The following SMIM24 variants were observed in gnomAD, a reference collection of about 807,000 sequenced individuals.
SMIM24 encodes the protein small integral membrane protein 24, also known as MAP17-related dimer.
Under a neutral mutation model 10.8 loss-of-function variants are expected in SMIM24, and 6 were observed. The ratio of observed to expected loss-of-function variants is 0.55; its 90% confidence interval spans 0.30 to 1.09. The LOEUF is 1.09. SMIM24 is among the 50% of genes least tolerant of loss of function. The pLI is 0.06. For synonymous variants in SMIM24, 71 were observed against 62.4 expected (o/e 1.14, Z -0.65); for missense variants, 151 against 153.4 (o/e 0.98, Z 0.08).
intron 1 of SMIM24, 94 bp downstream of exon 1, chr19:3,480,303 C>A: frequency 8.1e-7 from 1 of 1,239,630 alleles, no homozygotes; most frequent in Non-Finnish European, 1.1e-6. Context: ...TTCCTGCCCC[C>A]TCTCCTTTTT....
At position 3,474,928 on chromosome 19, in the gene SMIM24, G is replaced by T; in HGVS notation, c.308C>A (p.Ala103Glu). 6.4e-7 allele frequency: 1 copy of T among 1,551,624 alleles called. No individual in the cohort carries two copies. The highest frequency in any genetic ancestry group is 1.2e-5 in the South Asian group (1 of 84,058). The change falls in exon 4 of 4, where the codon GCA becomes GAA. Residue 103 changes from alanine (A) to glutamate (E), a missense_variant. Ala to Glu is a moderately radical substitution (Grantham distance 107, BLOSUM62 -1). Coordinates refer to ENST00000215531, the MANE Select transcript of SMIM24 (RefSeq NM_001136503.2). ...TCCCAAGTTGCTCTCTCCTTCCTTTGCTGTCTTTTTCTCCTTCTTCCTCTT... is the reference window on the plus strand; with the variant it reads ...TCCCAAGTTGCTCTCTCCTTCCTTTTCTGTCTTTTTCTCCTTCTTCCTCTT... ...EEKRKKEKKT[A>E]KEGESNLGLD...
chr19:3,476,584 C>A (rs747540935), intron 3 of SMIM24, among the ~76,000 whole-genome samples: 2 of 151,988 alleles, frequency 1.3e-5, no homozygotes, highest in Non-Finnish European at 2.9e-5. Context: ...TTTACTGGGG[C>A]TGAGCCAGGT....
chr19:3,474,486 A>C lies in SMIM24; in HGVS notation c.*357T>G. 2 of 233,090 alleles carry C rather than the reference A, an allele frequency of 8.6e-6. No individual in the cohort carries two copies. The highest frequency in any genetic ancestry group is 2.2e-5 in the African/African-American group (1 of 44,694). 14.4% of individuals were successfully genotyped at this position (233,090 alleles called of 1,614,324 possible). On this transcript the variant is annotated 3_prime_UTR_variant, in exon 4 of 4. Coordinates refer to ENST00000215531, the MANE Select transcript of SMIM24 (RefSeq NM_001136503.2). ...GGCAGTGGGTGCATGGGAGAGGGGA[A>C]GTTCTGTTCAGTAGACATCAGGCAG...
rs1296584818 is a variant in SMIM24 at position 3,474,878 on chromosome 19, C to T, written c.358G>A (p.Gly120Arg). ...GTGCTCTTTGCTCTCTCATGGTCTC[C>T]GGGCTCTTTTTCCTCCAGATCCAGT... ...LGLDLEEKEP[G>R]DHERAKSTVM Residue 120 changes from glycine (G) to arginine (R), a missense_variant, in exon 4 of 4, where the codon GGA becomes AGA. By Grantham distance (125) the Gly-to-Arg change is moderately radical. Transcript: ENST00000215531. The T allele has an allele frequency of 2.0e-5, 31 of 1,551,538 alleles. No individual in the cohort carries two copies. Among genetic ancestry groups the T allele is most frequent in the Admixed American group, 1.2e-4 (6 of 50,970 alleles).
intron 1 of SMIM24, 26 bp downstream of exon 1, chr19:3,480,371 G>T (rs1156386018): frequency 7.3e-7 from 1 of 1,370,120 alleles, no homozygotes; most frequent in East Asian, 3.1e-5. Flanking sequence ...ATCCCGCGAC[G>T]CCCCCTCCCG....
chr19:3,480,365 CG>C, intron 1 of SMIM24, 31 bp downstream of exon 1: 8 of 1,469,148 alleles, frequency 5.4e-6, no homozygotes, highest in Non-Finnish European at 6.4e-6. Flanking sequence ...TCCCCTATCC[CG>C]CGACGCCCCC....
At position 3,478,802 on chromosome 19, in the gene SMIM24, G is replaced by T. The variant is rs758842538; in HGVS notation, c.179+16C>A. On this transcript the variant is annotated intron_variant, in intron 2 of 3. Coordinates refer to ENST00000215531, the MANE Select transcript of SMIM24 (RefSeq NM_001136503.2). ...GGCAGGGCTGTGGGGGCAGCGGGGTGGGGGCGGGCACCCACCTGGCCTTGG... is the reference window on the plus strand; with the variant it reads ...GGCAGGGCTGTGGGGGCAGCGGGGTTGGGGCGGGCACCCACCTGGCCTTGG... 9.8e-4 allele frequency: 1,506 copies of T among 1,535,798 alleles called. No individual in the cohort carries two copies. The highest frequency in any genetic ancestry group is 1.2e-3 in the Non-Finnish European group (1,412 of 1,136,254).
At chr19:3,478,600 CAGGACGCAAGGAAG>C in intron 2 of SMIM24, 122 bp from the exon 3 acceptor site, 1 of 1,043,268 alleles carries the variant, frequency 9.6e-7, no homozygotes, top group Non-Finnish European at 1.4e-6. Flanking sequence ...TCATGAACCC[CAGGACGCAAGGAAG>C]GGCTGGGCTG....
chr19:3,475,650 G>C (rs2082789381), intron 3 of SMIM24, among the ~76,000 whole-genome samples: 1 of 150,102 alleles, frequency 6.7e-6, no homozygotes, highest in Non-Finnish European at 1.5e-5. Flanking sequence ...AGGTGGATAG[G>C]TGATGGATGG....
At position 3,480,443 on chromosome 19, in the gene SMIM24, A is replaced by C; in HGVS notation, c.21T>G (p.Leu7=). 1 of 1,548,576 alleles carries C rather than the reference A, an allele frequency of 6.5e-7. No individual in the cohort carries two copies. Residue 7 remains leucine (L), a synonymous_variant, in exon 1 of 4, where the codon CTT becomes CTG. Coordinates refer to ENST00000215531, the MANE Select transcript of SMIM24 (RefSeq NM_001136503.2). METLGA[L]LVLEFLLLSP... ...AGAGGAGCAGAAACTCCAGCACCAG[A>C]AGGGCCCCCAGGGTCTCCATGACGG...
intron 1 of SMIM24, chr19:3,479,160 A>G (rs1238698256): frequency 5.7e-6 from 2 of 348,594 alleles, no homozygotes; most frequent in South Asian, 6.7e-5. Flanking sequence ...CAGAGAGGGG[A>G]GGGGCTTATA....
intron 3 of SMIM24, 54 bp downstream of exon 3, chr19:3,478,365 C>T (rs2082801946): frequency 1.3e-6 from 2 of 1,487,158 alleles, no homozygotes; most frequent in Non-Finnish European, 1.8e-6. Context: ...CACACCCATT[C>T]CCCCACCCCG....
Position 3,480,459 on chromosome 19 carries a change from T to TC in SMIM24, c.4dup (p.Glu2GlyfsTer61). ...CAGCACCAGAAGGGCCCCCAGGGTC[T>TC]CCATGACGGTCGAGTGAGCCAGCAG... On this transcript the variant is annotated frameshift_variant, in exon 1 of 4. Transcript: ENST00000215531. LOFTEE classifies it high-confidence loss of function. 6.5e-7 allele frequency: 1 copy of TC among 1,547,806 alleles called. No homozygotes were observed. The highest frequency in any genetic ancestry group is 8.7e-7 in the Non-Finnish European group (1 of 1,145,822).
intron 1 of SMIM24, 69 bp from the exon 2 acceptor site, chr19:3,478,998 T>G: frequency 7.9e-7 from 1 of 1,262,700 alleles, no homozygotes; most frequent in South Asian, 1.3e-5. Flanking sequence ...CCCACCACCC[T>G]AGCAAGGAGA....
chr19:3,480,178 A>G (rs1055242688), intron 1 of SMIM24, among the ~76,000 whole-genome samples: 5 of 150,562 alleles, frequency 3.3e-5, no homozygotes, highest in African/African-American at 1.2e-4. Context: ...TGGAGAGGGG[A>G]AAGGCTCGGG....
chr19:3,480,315 T>C, intron 1 of SMIM24, 82 bp downstream of exon 1: 3 of 1,311,456 alleles, frequency 2.3e-6, no homozygotes, highest in Non-Finnish European at 3.1e-6. Flanking sequence ...CTCCTTTTTC[T>C]CGCCATGGAA....
In SMIM24 at chr19:3,480,456, G is replaced by T. The variant is rs997787212; in HGVS notation, c.8C>A (p.Thr3Asn). 58 of 1,549,170 alleles carry T rather than the reference G, an allele frequency of 3.7e-5. No homozygotes were observed. In the Middle Eastern group the frequency reaches 5.1e-4, roughly 14 times the overall value. Reference sequence around the variant, plus strand: ...CTCCAGCACCAGAAGGGCCCCCAGGGTCTCCATGACGGTCGAGTGAGCCAG... The same window carrying T: ...CTCCAGCACCAGAAGGGCCCCCAGGTTCTCCATGACGGTCGAGTGAGCCAG... ME[T>N]LGALLVLEFL... Residue 3 changes from threonine (T) to asparagine (N), a missense_variant, in exon 1 of 4, where the codon ACC becomes AAC. Physicochemically the swap from Thr to Asn is moderately conservative, Grantham distance 65. Coordinates refer to ENST00000215531, the MANE Select transcript of SMIM24 (RefSeq NM_001136503.2).
intron 3 of SMIM24, 41 bp downstream of exon 3, chr19:3,478,378 G>C: frequency 1.3e-6 from 2 of 1,511,380 alleles, no homozygotes; most frequent in East Asian, 2.5e-5. Context: ...CCACCCCGAG[G>C]AGGGGTTCAC....
chr19:3,479,495 A>C (rs2082808059), intron 1 of SMIM24, among the ~76,000 whole-genome samples: 1 of 129,416 alleles, frequency 7.7e-6, no homozygotes, highest in Non-Finnish European at 1.6e-5. Context: ...ATAAAGGAGG[A>C]GCTCAGAGGG....
Sources: gnomAD v4.1 joint callset for allele counts (sites outside exome capture counted in the v4.1 genomes callset) on GRCh38, gnomAD v4.1.1 for gene constraint, MANE v1.5 for transcripts, NCBI Gene and HGNC (gene_info 2026-07-23, HGNC 2026-07-21) for gene names.